Variants in GLCCI1 observed in about 807,000 individuals in gnomAD.
GLCCI1 encodes the protein glucocorticoid induced 1, also known as glucocorticoid-induced transcript 1 protein.
In GLCCI1, 24 loss-of-function variants were observed where a neutral mutation model predicts 52.2. That is an observed-to-expected ratio of 0.46 (90% CI 0.33 to 0.65). The LOEUF is 0.65. Ranked by LOEUF, GLCCI1 falls within the 30% of genes least tolerant of loss-of-function variation. The pLI is 0.02. For synonymous variants in GLCCI1, 310 were observed against 276.5 expected (o/e 1.12, Z -1.20); for missense variants, 704 against 701.5 (o/e 1.00, Z -0.04).
chr7:8,061,857 G>A, intron 5 of GLCCI1, among the ~76,000 whole-genome samples: 1 of 151,696 alleles, frequency 6.6e-6, no homozygotes, highest in East Asian at 1.9e-4. Flanking sequence ...AGTGGAGACA[G>A]GGTTTTACCA....
intron 2 of GLCCI1, among the ~76,000 whole-genome samples, chr7:8,013,894 C>T (rs1227128108): frequency 2.6e-5 from 4 of 151,434 alleles, no homozygotes; most frequent in African/African-American, 4.9e-5. Flanking sequence ...ACATCCTTTT[C>T]GTTATTTATT....
rs774468643 is a variant in GLCCI1, at chr7:8,071,068, C to A, written c.1114C>A (p.Pro372Thr). The part of the protein sequence containing the change: ...SHSPCVSPFC[P>T]PESQDGSPCS... ...TTCACCCTGTGTCTCCCCTTTTTGT[C>A]CCCCGGAATCCCAGGATGGTAGCCC... The change falls in exon 6 of 8, where the codon CCC (proline) becomes ACC (threonine). Residue 372 changes from proline to threonine, a missense_variant. By Grantham distance (38) the Pro-to-Thr change is conservative. This residue lies in a region of GLCCI1 where 547 missense variants were observed against 524.8 expected (regional missense o/e 1.04). Coordinates refer to ENST00000223145, the MANE Select transcript of GLCCI1 (RefSeq NM_138426.4). 2 of 1,614,108 alleles carry A rather than the reference C, an allele frequency of 1.2e-6. No homozygotes were observed. Among genetic ancestry groups the A allele is most frequent in the South Asian group, 1.1e-5 (1 of 91,062 alleles).
chr7:8,035,463 C>T (rs1232823077), intron 3 of GLCCI1, among the ~76,000 whole-genome samples: 1 of 152,162 alleles, frequency 6.6e-6, no homozygotes, highest in Non-Finnish European at 1.5e-5. Context: ...GACAGCCATT[C>T]TAGGGCAATT....
rs747431964 is a variant in GLCCI1, at chr7:8,060,137, A to G, written c.855A>G (p.Ile285Met). Residue 285 changes from isoleucine to methionine, a missense_variant, in exon 5 of 8, where the codon ATA becomes ATG. By Grantham distance (10) the Ile-to-Met change is conservative. This residue lies in a region of GLCCI1 where 547 missense variants were observed against 524.8 expected (regional missense o/e 1.04). Coordinates refer to ENST00000223145, the MANE Select transcript of GLCCI1 (RefSeq NM_138426.4). ...CAGTTCCTATGCCACTGTCAAATAT[A>G]TCAGTGCCAAAATCATCTGTTTCGC... Reference protein sequence around the residue: ...SRSVPMPLSNISVPKSSVSRV... With the variant: ...SRSVPMPLSNMSVPKSSVSRV... 1.2e-6 allele frequency: 2 copies of G among 1,613,670 alleles called. No individual in the cohort carries two copies. Among genetic ancestry groups the G allele is most frequent in the Non-Finnish European group, 8.5e-7 (1 of 1,179,666 alleles).
chr7:8,074,649 C>T (rs911516373), intron 6 of GLCCI1, among the ~76,000 whole-genome samples: 1 of 152,110 alleles, frequency 6.6e-6, no homozygotes, highest in Non-Finnish European at 1.5e-5. Context: ...CACGTCACTG[C>T]ATTCCAGCCT....
intron 4 of GLCCI1, 77 bp downstream of exon 4, chr7:8,055,626 A>T (rs1033885514): frequency 8.3e-6 from 7 of 846,944 alleles, no homozygotes; most frequent in East Asian, 5.0e-5. Context: ...TTCAGCATTT[A>T]AAAAAACCCA....
In GLCCI1 at chr7:8,088,654, A is replaced by G. The variant is rs1427712990; in HGVS notation, c.*2116A>G. On this transcript the variant is annotated 3_prime_UTR_variant, in exon 8 of 8. Transcript: ENST00000223145. ...TGCTTTTGTCCAAATAAAATGCAAT[A>G]GTATCAATATCAATTTCAGAAAAAT... 1 of 152,652 alleles carries G rather than the reference A, an allele frequency of 6.6e-6. No individual in the cohort carries two copies. Among genetic ancestry groups the G allele is most frequent in the Non-Finnish European group, 1.5e-5 (1 of 68,040 alleles). The allele number at this position is 152,652 out of a possible 1,614,324, so 9.5% of individuals were successfully genotyped here.
intron 1 of GLCCI1, among the ~76,000 whole-genome samples, chr7:7,973,971 A>G (rs773278075): frequency 2.0e-5 from 3 of 152,086 alleles, no homozygotes; most frequent in Non-Finnish European, 2.9e-5. Flanking sequence ...TTCTCAGGCT[A>G]TTCTTGAAAA....
chr7:8,048,484 A>G (rs904982312), intron 3 of GLCCI1, among the ~76,000 whole-genome samples: 1 of 152,134 alleles, frequency 6.6e-6, no homozygotes, highest in Non-Finnish European at 1.5e-5. Context: ...CAGTAAATCT[A>G]TATCATCCTA....
At chr7:8,051,183 T>C (rs529998496) in intron 3 of GLCCI1, among the ~76,000 whole-genome samples, 1 of 152,340 alleles carries the variant, frequency 6.6e-6, no homozygotes, top group Admixed American at 6.5e-5. Context: ...ATTTCTATTA[T>C]AGGAATATCC....
intron 4 of GLCCI1, among the ~76,000 whole-genome samples, chr7:8,057,400 A>T (rs1357015162): frequency 6.6e-6 from 1 of 152,200 alleles, no homozygotes; most frequent in Non-Finnish European, 1.5e-5. Flanking sequence ...TACAGGGAAT[A>T]ACATGGTTGA....
chr7:7,989,153 T>A (rs1021560574), intron 1 of GLCCI1, among the ~76,000 whole-genome samples: 3 of 152,144 alleles, frequency 2.0e-5, no homozygotes, highest in African/African-American at 7.2e-5. Context: ...AGGCACTAAT[T>A]TTTTATAAAA....
chr7:8,015,587 G>A (rs968810647), intron 2 of GLCCI1, among the ~76,000 whole-genome samples: 1 of 152,198 alleles, frequency 6.6e-6, no homozygotes, highest in Non-Finnish European at 1.5e-5. Context: ...TTATGAGACA[G>A]AGGATTGTAG....
chr7:8,063,709 C>A (rs1782568455), intron 5 of GLCCI1, among the ~76,000 whole-genome samples: 1 of 114,376 alleles, frequency 8.7e-6, no homozygotes, highest in African/African-American at 2.9e-5. Context: ...GCCTCAATCC[C>A]TCAGGCCCAA....
At chr7:8,042,884 C>T (rs939856911) in intron 3 of GLCCI1, among the ~76,000 whole-genome samples, 4 of 152,086 alleles carry the variant, frequency 2.6e-5, no homozygotes, top group African/African-American at 9.7e-5. Context: ...AGAAGTCCTG[C>T]GAGTAAAATG....
chr7:8,006,622 C>T (rs942096633), intron 2 of GLCCI1, among the ~76,000 whole-genome samples: 1 of 152,164 alleles, frequency 6.6e-6, no homozygotes, highest in Non-Finnish European at 1.5e-5. Context: ...ACTATATGTA[C>T]GTAAGTTAAA....
intron 1 of GLCCI1, among the ~76,000 whole-genome samples, chr7:7,992,041 TTTTTTC>T (rs1278806517): frequency 2.1e-5 from 3 of 144,614 alleles, no homozygotes; most frequent in Non-Finnish European, 4.6e-5. Context: ...TTAGAATTTA[TTTTTTC>T]TTTCTTTCTT....
intron 6 of GLCCI1, among the ~76,000 whole-genome samples, chr7:8,079,635 G>T (rs1316386736): frequency 6.6e-6 from 1 of 151,480 alleles, no homozygotes; most frequent in African/African-American, 2.4e-5. Flanking sequence ...TGTGGAAGAA[G>T]CACTGTACTT....
chr7:8,045,803 C>T (rs1250317902), intron 3 of GLCCI1, among the ~76,000 whole-genome samples: 3 of 151,920 alleles, frequency 2.0e-5, no homozygotes, highest in Non-Finnish European at 1.5e-5. Flanking sequence ...TGTGAGTAAC[C>T]ATGCAACCAC....
Sources: gnomAD v4.1 joint callset for allele counts (sites outside exome capture counted in the v4.1 genomes callset) on GRCh38, gnomAD v4.1.1 for gene constraint, gnomAD v4.1.1 regional missense constraint, MANE v1.5 for transcripts, NCBI Gene and HGNC (gene_info 2026-07-23, HGNC 2026-07-21) for gene names.